TMEM117: variants seen among roughly 807,000 people sequenced by gnomAD.
The protein encoded by TMEM117 is transmembrane protein 117.
Under a neutral mutation model 52.4 loss-of-function variants are expected in TMEM117, and 27 were observed. That is an observed-to-expected ratio of 0.51 (90% confidence interval 0.38 to 0.71). TMEM117 has a LOEUF of 0.71. Among genes scored for constraint, TMEM117 ranks in the 30% least tolerant of loss-of-function variants. TMEM117 has a pLI of 0.00. For missense variants in TMEM117, 556 were observed against 630.5 expected, an observed-to-expected ratio of 0.88 and a Z score of 1.26; for synonymous variants, 215 against 206.3, an observed-to-expected ratio of 1.04 and a Z score of -0.36.
intron 3 of TMEM117, among the ~76,000 whole-genome samples, chr12:43,971,538 C>T (rs914218072): frequency 3.9e-5 from 6 of 152,228 alleles, no homozygotes; most frequent in South Asian, 4.1e-4. Flanking sequence ...CTACCCTCCA[C>T]GCCTTCACTG....
At chr12:44,106,469 A>G (rs1024170510) in intron 3 of TMEM117, among the ~76,000 whole-genome samples, 1 of 152,094 alleles carries the variant, frequency 6.6e-6, no homozygotes, top group Admixed American at 6.6e-5. Context: ...ATATATGGTT[A>G]TTACTTTGAA....
intron 2 of TMEM117, among the ~76,000 whole-genome samples, chr12:43,904,675 C>T (rs1385167993): frequency 6.6e-6 from 1 of 152,146 alleles, no homozygotes; most frequent in Admixed American, 6.5e-5. Flanking sequence ...TGGTGCCTGG[C>T]TTCCATTTCC....
chr12:43,934,600 CT>C (rs551324189), intron 2 of TMEM117, among the ~76,000 whole-genome samples: 32 of 151,800 alleles, frequency 2.1e-4, no homozygotes, highest in South Asian at 6.3e-4. Flanking sequence ...TTTTATTTTC[CT>C]TTTTTTTATA....
chr12:43,908,546 A>G (rs557036483), intron 2 of TMEM117, among the ~76,000 whole-genome samples: 140 of 151,144 alleles, frequency 9.3e-4, no homozygotes, highest in African/African-American at 3.1e-3. Flanking sequence ...AAAGACACAG[A>G]CTGGCAAATT....
intron 5 of TMEM117, among the ~76,000 whole-genome samples, chr12:44,296,022 G>GGTTTTGGGACCACAGTCGAC (rs1426958353): frequency 6.6e-6 from 1 of 152,190 alleles, no homozygotes; most frequent in Non-Finnish European, 1.5e-5. Flanking sequence ...TGCTAGGATT[G>GGTTTTGGGACCACAGTCGAC]GTTTTGGGAC....
At chr12:44,214,094 A>T (rs1476750900) in intron 5 of TMEM117, among the ~76,000 whole-genome samples, 2 of 145,402 alleles carry the variant, frequency 1.4e-5, no homozygotes, top group Non-Finnish European at 3.0e-5. Flanking sequence ...GAACATTATC[A>T]CTCAGGTCTA....
At chr12:43,841,719 A>G (rs1167571259) in intron 1 of TMEM117, among the ~76,000 whole-genome samples, 1 of 152,210 alleles carries the variant, frequency 6.6e-6, no homozygotes, top group African/African-American at 2.4e-5. Flanking sequence ...GGAAATGGTG[A>G]TCAGGCCCTG....
chr12:44,344,166 A>T lies in TMEM117; in HGVS notation c.769-32429A>T, dbSNP rs189798345. The stretch of plus-strand genomic sequence containing the variant: ...GAAATATAGGTAACCTATTAACATC[A>T]CCTGAGAACTGTAAGGTATGATGAA... On this transcript the variant is annotated intron_variant, in intron 6 of 7. Transcript: ENST00000266534. Among the ~76,000 whole-genome samples, 222 of 152,254 alleles carry T rather than the reference A, an allele frequency of 1.5e-3. 1 individual carries two copies. Among genetic ancestry groups the T allele is most frequent in the African/African-American group, 5.2e-3 (216 of 41,578 alleles).
chr12:43,813,347 G>A, the TMEM117 span, among the ~76,000 whole-genome samples: 11 of 143,778 alleles, frequency 7.7e-5, no homozygotes, highest in South Asian at 2.3e-4. Flanking sequence ...CAGTTCAAGC[G>A]ATTCTCCTGC....
At chr12:43,909,748 A>G (rs1448425101) in intron 2 of TMEM117, among the ~76,000 whole-genome samples, 1 of 149,718 alleles carries the variant, frequency 6.7e-6, no homozygotes, top group Non-Finnish European at 1.5e-5. Context: ...ATCTAGAAGA[A>G]ATGGATAAAT....
At chr12:44,229,449 C>T (rs1284657857) in intron 5 of TMEM117, among the ~76,000 whole-genome samples, 1 of 152,090 alleles carries the variant, frequency 6.6e-6, no homozygotes, top group Non-Finnish European at 1.5e-5. Flanking sequence ...GATGTGATCA[C>T]AGTTCCACAG....
intron 3 of TMEM117, among the ~76,000 whole-genome samples, chr12:43,968,636 A>G (rs1945523939): frequency 6.6e-6 from 1 of 152,184 alleles, no homozygotes; most frequent in South Asian, 2.1e-4. Context: ...CTGCTGAAGG[A>G]AGATTAAGTC....
intron 3 of TMEM117, among the ~76,000 whole-genome samples, chr12:43,970,929 T>C (rs1945574649): frequency 6.6e-6 from 1 of 152,158 alleles, no homozygotes; most frequent in Admixed American, 6.5e-5. Context: ...TCATACTAGC[T>C]ACTAGAAACA....
intron 2 of TMEM117, among the ~76,000 whole-genome samples, chr12:43,920,494 C>T (rs1944674414): frequency 6.6e-6 from 1 of 150,450 alleles, no homozygotes; most frequent in Non-Finnish European, 1.5e-5. Context: ...GCCTGGGTGA[C>T]AGACTGAGAC....
intron 4 of TMEM117, among the ~76,000 whole-genome samples, chr12:44,155,911 A>G (rs773463224): frequency 1.2e-4 from 19 of 152,010 alleles, no homozygotes; most frequent in Non-Finnish European, 1.6e-4. Flanking sequence ...TGAGTTTGGG[A>G]CAGGTACCAT....
chr12:44,157,797 A>G (rs1374193351), intron 4 of TMEM117, among the ~76,000 whole-genome samples: 1 of 152,174 alleles, frequency 6.6e-6, no homozygotes. Context: ...TGAGCAGGCA[A>G]ATCATAGTCC....
At chr12:44,309,102 C>CT (rs2138664711) in intron 6 of TMEM117, among the ~76,000 whole-genome samples, 1 of 152,172 alleles carries the variant, frequency 6.6e-6, no homozygotes, top group South Asian at 2.1e-4. Flanking sequence ...AAACTCATGC[C>CT]TAAAATAAGA....
chr12:43,832,416 G>A, upstream of TMEM117, among the ~76,000 whole-genome samples: 1 of 152,194 alleles, frequency 6.6e-6, no homozygotes, highest in East Asian at 1.9e-4. Context: ...TGAAGAATAG[G>A]AAGAACAGTA....
chr12:44,035,384 A>C (rs1165404379), intron 3 of TMEM117, among the ~76,000 whole-genome samples: 1 of 152,204 alleles, frequency 6.6e-6, no homozygotes, highest in Non-Finnish European at 1.5e-5. Flanking sequence ...ATTGAGTGTT[A>C]CTGTATGCGC....
Sources: gnomAD v4.1 joint callset for allele counts (sites outside exome capture counted in the v4.1 genomes callset) on GRCh38, gnomAD v4.1.1 for gene constraint, MANE v1.5 for transcripts, NCBI Gene and HGNC (gene_info 2026-07-23, HGNC 2026-07-21) for gene names.